Variants in SMCO2 observed in about 807,000 individuals in gnomAD.
The protein encoded by SMCO2 is single-pass membrane and coiled-coil domain-containing protein 2.
A neutral mutation model predicts 29.5 loss-of-function variants in SMCO2; 25 were observed. The observed-to-expected ratio is 0.85, with a 90% CI of 0.62 to 1.18. The LOEUF (loss-of-function observed/expected upper bound fraction) is 1.18, where lower values mean the gene tolerates loss of function less well. Ranked by LOEUF, SMCO2 falls within the 50% of genes most tolerant of loss-of-function variation. The pLI, the probability that SMCO2 is intolerant of heterozygous loss-of-function variation, is 0.00. For missense variants in SMCO2, 348 were observed against 344.5 expected (o/e 1.01, Z -0.08); for synonymous variants, 117 against 123.3 (o/e 0.95, Z 0.34).
chr12:27,455,137 T>C, the SMCO2 span, among the ~76,000 whole-genome samples: 2 of 152,214 alleles, frequency 1.3e-5, no homozygotes, highest in Admixed American at 6.5e-5. Context: ...GGCCCCAGAC[T>C]GTTCCAGGCA....
At chr12:27,470,519 A>C in intron 1 of SMCO2, 103 bp from the exon 2 acceptor site, 1 of 1,323,862 alleles carries the variant, frequency 7.6e-7, no homozygotes, top group South Asian at 1.5e-5. Context: ...GGAGGAATTA[A>C]AGCCAAATGC....
the SMCO2 span, among the ~76,000 whole-genome samples, chr12:27,430,678 C>T: frequency 1.3e-5 from 2 of 152,276 alleles, no homozygotes; most frequent in East Asian, 3.9e-4. Context: ...AGAATAAAAT[C>T]GAACCTTTAT....
intron 4 of SMCO2, among the ~76,000 whole-genome samples, chr12:27,482,285 G>C (rs190070491): frequency 6.6e-6 from 1 of 152,036 alleles, no homozygotes; most frequent in East Asian, 1.9e-4. Context: ...TTTTATATCT[G>C]TAAATATATT....
chr12:27,481,401 G>A (rs1592210861), intron 4 of SMCO2, among the ~76,000 whole-genome samples: 1 of 152,220 alleles, frequency 6.6e-6, no homozygotes, highest in Admixed American at 6.5e-5. Flanking sequence ...CCCTCTAATG[G>A]AGAGTTCCTC....
the SMCO2 span, chr12:27,424,175 C>T: frequency 1.3e-5 from 2 of 152,104 alleles, no homozygotes; most frequent in South Asian, 4.1e-4. Flanking sequence ...TTGGACAGCG[C>T]TGCTCTAGAA....
chr12:27,449,657 AG>A, the SMCO2 span, among the ~76,000 whole-genome samples: 2 of 152,230 alleles, frequency 1.3e-5, no homozygotes, highest in Non-Finnish European at 2.9e-5. Context: ...GGTCCCTTGA[AG>A]GGGGGAAAAG....
At chr12:27,455,080 C>T in the SMCO2 span, among the ~76,000 whole-genome samples, 33 of 152,170 alleles carry the variant, frequency 2.2e-4, no homozygotes, top group African/African-American at 7.7e-4. Flanking sequence ...AGGCATGGAC[C>T]CACCACTCAG....
chr12:27,470,727 TTTC>T (rs1565673961), exon 2 of SMCO2: 1 of 1,551,120 alleles, frequency 6.4e-7, no homozygotes, highest in Non-Finnish European at 8.7e-7. Context: ...ACAATGGCTT[TTTC>T]CAAAAGCTCA....
chr12:27,453,087 G>A, the SMCO2 span, among the ~76,000 whole-genome samples: 2 of 152,190 alleles, frequency 1.3e-5, no homozygotes, highest in Non-Finnish European at 2.9e-5. Context: ...GCCAAAGGGA[G>A]ACATCTGTAG....
chr12:27,447,893 C>T, the SMCO2 span, among the ~76,000 whole-genome samples: 44 of 152,234 alleles, frequency 2.9e-4, no homozygotes, highest in Non-Finnish European at 5.9e-4. Context: ...CGTCTGAGCC[C>T]CAGAAACTCA....
rs555243671 is a variant in SMCO2, at chr12:27,470,675, A to C, written c.44A>C (p.Gln15Pro). ...AACCTAAATAACAAAATGTCTCTGC[A>C]GATGAAGATGGACTGCCAGGAACAA... is the stretch of plus-strand genomic sequence containing the variant. The change falls in exon 2 of 8, where the codon CAG becomes CCG. Residue 15 changes from glutamine (Q) to proline (P), a missense_variant. Gln to Pro is a moderately conservative substitution (Grantham distance 76). Coordinates refer to ENST00000298876, the Ensembl canonical transcript of SMCO2. 91 of 1,551,334 alleles carry C rather than the reference A, an allele frequency of 5.9e-5. No individual in the cohort carries two copies. In the African/African-American group the frequency reaches 1.2e-3, roughly 20 times the overall value.
the SMCO2 span, among the ~76,000 whole-genome samples, chr12:27,425,501 A>G: frequency 1.3e-5 from 2 of 152,192 alleles, no homozygotes; most frequent in African/African-American, 4.8e-5. Flanking sequence ...CAACGTCATC[A>G]GCCTTATCTG....
rs1280966196 is a variant in SMCO2 at position 27,474,864 on chromosome 12, C to G, written c.313C>G (p.Pro105Ala). The G allele has an allele frequency of 2.6e-6, 4 of 1,551,424 alleles. No individual in the cohort carries two copies. In the East Asian group the frequency reaches 7.3e-5, roughly 28 times the overall value. Residue 105 changes from proline to alanine, a missense_variant, in exon 4 of 8, where the codon CCT (proline) becomes GCT (alanine). Coordinates refer to ENST00000298876, the Ensembl canonical transcript of SMCO2. Reference sequence around the variant, plus strand: ...GCAAGAAACAGATGTTGATGAGGACCCTCAAGCGTCTACATCTCTGCAGTT... The same window carrying G: ...GCAAGAAACAGATGTTGATGAGGACGCTCAAGCGTCTACATCTCTGCAGTT...
chr12:27,474,379 A>G (rs1949566214), intron 3 of SMCO2, among the ~76,000 whole-genome samples: 1 of 152,190 alleles, frequency 6.6e-6, no homozygotes, highest in South Asian at 2.1e-4. Flanking sequence ...TCCCAAAAAG[A>G]TCTATGCAAT....
At chr12:27,439,024 G>A in the SMCO2 span, among the ~76,000 whole-genome samples, 1 of 152,160 alleles carries the variant, frequency 6.6e-6, no homozygotes, top group African/African-American at 2.4e-5. Flanking sequence ...TGAAATTGAG[G>A]TGGTTAATAA....
intron 2 of SMCO2, among the ~76,000 whole-genome samples, chr12:27,471,726 A>C (rs375305668): frequency 3.3e-5 from 5 of 152,316 alleles, no homozygotes; most frequent in Non-Finnish European, 7.4e-5. Context: ...AATGAGACTA[A>C]CACTAAATGA....
chr12:27,455,265 G>T, the SMCO2 span, among the ~76,000 whole-genome samples: 4 of 152,144 alleles, frequency 2.6e-5, no homozygotes, highest in Non-Finnish European at 5.9e-5. Flanking sequence ...CATAACAAAT[G>T]ATTTTTAATA....
intron 7 of SMCO2, among the ~76,000 whole-genome samples, chr12:27,500,912 C>T (rs1943067699): frequency 6.6e-6 from 1 of 150,668 alleles, no homozygotes; most frequent in South Asian, 2.1e-4. Context: ...TTTAACTATG[C>T]TCTAGATTTT....
the SMCO2 span, among the ~76,000 whole-genome samples, chr12:27,425,934 T>G: frequency 6.6e-6 from 1 of 152,328 alleles, no homozygotes; most frequent in South Asian, 2.1e-4. Context: ...TTTAATTTAT[T>G]TAATCAGAAT....
Sources: allele counts gnomAD v4.1 joint callset (sites outside exome capture counted in the v4.1 genomes callset), GRCh38; gene constraint gnomAD v4.1.1; transcripts MANE v1.5; gene names NCBI Gene and HGNC (gene_info 2026-07-23, HGNC 2026-07-21).